Variants in CMTM3 observed in about 807,000 individuals in gnomAD.
The protein encoded by CMTM3 is CKLF like MARVEL transmembrane domain containing 3.
CMTM3 carries 7 observed loss-of-function variants against 18.2 expected under a neutral mutation model. The ratio of observed to expected loss-of-function variants is 0.38; its 90% CI spans 0.22 to 0.72. The LOEUF (loss-of-function observed/expected upper bound fraction) is 0.72. Ranked by LOEUF, CMTM3 falls within the 30% of genes least tolerant of loss-of-function variation. CMTM3 has a pLI of 0.46. For missense variants in CMTM3, 227 were observed against 249.2 expected (o/e 0.91, Z 0.60); for synonymous variants, 109 against 111.2 (o/e 0.98, Z 0.12).
Position 66,610,527 on chromosome 16 carries a change from C to T in CMTM3, c.520+524C>T, listed in dbSNP as rs1418634129. ...GAGGGAGGGATACAGTAGCTGAAAG[C>T]AGGCCCACGCTGGGTGTCAGCTGGC... On this transcript the variant is annotated intron_variant, in intron 4 of 4. Transcript: ENST00000567572. This position sits in a 1 kb window ranked among gnomAD's most constrained non-coding sequence, Gnocchi z 4.6. Among the ~76,000 whole-genome samples the T allele has an allele frequency of 1.3e-5, 2 of 152,304 alleles. No homozygotes were observed. Among genetic ancestry groups the T allele is most frequent in the East Asian group, 3.9e-4 (2 of 5,188 alleles).
rs982262648 is a variant in CMTM3, at chr16:66,612,099, GCACCCA to G, written c.521-504_521-499del. Among the ~76,000 whole-genome samples the G allele has an allele frequency of 4.6e-5, 7 of 152,094 alleles. No homozygotes were observed. The stretch of plus-strand genomic sequence containing the variant: ...GGTGGAAACACCCCCACCTGCACCC[GCACCCA>G]CACCCTGGAGGTGCAAGTGGCTTCT... On this transcript the variant is annotated intron_variant, in intron 4 of 4. Transcript: ENST00000567572. The surrounding 1 kb of genome is among the most constrained non-coding windows in gnomAD (Gnocchi z 6.0).
intron 1 of CMTM3, among the ~76,000 whole-genome samples, chr16:66,607,687 C>T (rs1267112892): frequency 2.0e-5 from 3 of 152,192 alleles, no homozygotes; most frequent in Non-Finnish European, 2.9e-5. Flanking sequence ...TGATTTCCCT[C>T]CGCAGGGCAC....
Position 66,613,273 on chromosome 16 carries a change from T to C in CMTM3, c.*636T>C, listed in dbSNP as rs1315932316. The C allele has an allele frequency of 4.8e-6, 3 of 631,012 alleles. No individual in the cohort carries two copies. Among genetic ancestry groups the C allele is most frequent in the Non-Finnish European group, 8.5e-6 (3 of 351,264 alleles). The allele number at this position is 631,012 out of a possible 1,614,324, so 39.1% of individuals were successfully genotyped here. Reference sequence around the variant, plus strand: ...CCTTGGAAACCATGTCTTCTGGGGGTGAGATGACCATTCTGGGTCTAAGAC... The same window carrying C: ...CCTTGGAAACCATGTCTTCTGGGGGCGAGATGACCATTCTGGGTCTAAGAC... On this transcript the variant is annotated 3_prime_UTR_variant, in exon 5 of 5. Coordinates refer to ENST00000567572, the MANE Select transcript of CMTM3 (RefSeq NM_181553.4).
rs1475073500 is a variant in CMTM3, at chr16:66,604,758, G to A, written c.-48G>A. On this transcript the variant is annotated 5_prime_UTR_variant, in exon 1 of 5. Coordinates refer to ENST00000567572, the MANE Select transcript of CMTM3 (RefSeq NM_181553.4). ...CGGGTTTCCGCTTCCCTCCGGGCGC[G>A]AGAAGAGGGGAGCCAGGCCGAGCCC... 2.5e-6 allele frequency: 3 copies of A among 1,213,586 alleles called. No individual in the cohort carries two copies. The highest frequency in any genetic ancestry group is 2.0e-6 in the Non-Finnish European group (2 of 975,834). The allele number at this position is 1,213,586 out of a possible 1,614,324, so 75.2% of individuals were successfully genotyped here.
Position 66,612,689 on chromosome 16 carries a change from GCCTCA to G in CMTM3, c.*54_*58del. ...GAGCCACACAGGCCTCCACCCCTGC[GCCTCA>G]CAGGGGTCGCTGGCGTTGGAGCGGA... On this transcript the variant is annotated 3_prime_UTR_variant, in exon 5 of 5. Coordinates refer to ENST00000567572, the MANE Select transcript of CMTM3 (RefSeq NM_181553.4). This position sits in a 1 kb window ranked among gnomAD's most constrained non-coding sequence, Gnocchi z 6.0. 6.3e-7 allele frequency: 1 copy of G among 1,581,352 alleles called. No homozygotes were observed. Among genetic ancestry groups the G allele is most frequent in the Non-Finnish European group, 8.7e-7 (1 of 1,152,244 alleles).
At chr16:66,604,406 TCCCAGACA>T (rs1360798410), upstream of CMTM3, 1 of 162,556 alleles carries the variant, frequency 6.2e-6, no homozygotes, top group Admixed American at 6.5e-5. Flanking sequence ...GGTTCCCGGA[TCCCAGACA>T]CGCGCACGGG....
upstream of CMTM3, chr16:66,604,645 G>C (rs908883066): frequency 7.9e-6 from 4 of 505,098 alleles, no homozygotes; most frequent in Non-Finnish European, 1.2e-5. Flanking sequence ...GGGCGGGCTG[G>C]AGGAGCGGGT....
In CMTM3 at chr16:66,612,559, C is replaced by T. The variant is rs200414647; in HGVS notation, c.521-50C>T. 3 of 1,601,614 alleles carry T rather than the reference C, an allele frequency of 1.9e-6. No individual in the cohort carries two copies. The highest frequency in any genetic ancestry group is 4.5e-5 in the East Asian group (2 of 44,768). ...TGCTTCCCCAGAGACCGTTCCCAGGCACCGCTGCCCTGAGCCTCCTGCCAA... is the reference window on the plus strand; with the variant it reads ...TGCTTCCCCAGAGACCGTTCCCAGGTACCGCTGCCCTGAGCCTCCTGCCAA... On this transcript the variant is annotated intron_variant, in intron 4 of 4. Coordinates refer to ENST00000567572, the MANE Select transcript of CMTM3 (RefSeq NM_181553.4). This position sits in a 1 kb window ranked among gnomAD's most constrained non-coding sequence, Gnocchi z 6.0.
chr16:66,612,881 T>C lies in CMTM3; in HGVS notation c.*244T>C, dbSNP rs1770592425. On this transcript the variant is annotated 3_prime_UTR_variant, in exon 5 of 5. Transcript: ENST00000567572. The surrounding 1 kb of genome is among the most constrained non-coding windows in gnomAD (Gnocchi z 6.0). ...GGGTATCCCACTCCTTCTCCCCATT[T>C]CTGTCCCACAGGCCTTCAGCCCTTT... The C allele has an allele frequency of 4.9e-6, 3 of 612,840 alleles. No individual in the cohort carries two copies. Among genetic ancestry groups the C allele is most frequent in the Non-Finnish European group, 8.8e-6 (3 of 342,366 alleles). 38.0% of individuals were successfully genotyped at this position (612,840 alleles called of 1,614,324 possible). A position where few individuals can be genotyped will look rare whatever the true frequency, so the allele number is the denominator to read the frequency against.
rs1447911385 is a variant in CMTM3 at position 66,612,589 on chromosome 16, C to T, written c.521-20C>T. 3 of 1,613,654 alleles carry T rather than the reference C, an allele frequency of 1.9e-6. No individual in the cohort carries two copies. The highest frequency in any genetic ancestry group is 2.5e-6 in the Non-Finnish European group (3 of 1,179,852). On this transcript the variant is annotated intron_variant, in intron 4 of 4. Transcript: ENST00000567572. The surrounding 1 kb of genome is among the most constrained non-coding windows in gnomAD (Gnocchi z 6.0). ...CTGCCCTGAGCCTCCTGCCAAGCAT[C>T]CTCTCTGCTTTCCTTTCAGAAGAGA...
In CMTM3 at chr16:66,605,065, T is replaced by G; in HGVS notation, c.147+113T>G. The G allele has an allele frequency of 1.0e-6, 1 of 969,284 alleles. No individual in the cohort carries two copies. 60.0% of individuals were successfully genotyped at this position (969,284 alleles called of 1,614,324 possible). A position where few individuals can be genotyped will look rare whatever the true frequency, so the allele number is the denominator to read the frequency against. On this transcript the variant is annotated intron_variant, in intron 1 of 4. Coordinates refer to ENST00000567572, the MANE Select transcript of CMTM3 (RefSeq NM_181553.4). The surrounding 1 kb of genome is among the most constrained non-coding windows in gnomAD (Gnocchi z 4.6). ...GCGGCCGCCGTGCTCCGATACCCCC[T>G]CTCCGCGCCGCCTCGGCCGACTTCT...
Position 66,605,251 on chromosome 16 carries a change from C to A in CMTM3, c.147+299C>A, listed in dbSNP as rs1255245748. 13 of 264,204 alleles carry A rather than the reference C, an allele frequency of 4.9e-5. No homozygotes were observed. The highest frequency in any genetic ancestry group is 2.9e-5 in the Non-Finnish European group (4 of 140,124). 16.4% of individuals were successfully genotyped at this position (264,204 alleles called of 1,614,324 possible). A position where few individuals can be genotyped will look rare whatever the true frequency, so the allele number is the denominator to read the frequency against. On this transcript the variant is annotated intron_variant, in intron 1 of 4. Transcript: ENST00000567572. The surrounding 1 kb of genome is among the most constrained non-coding windows in gnomAD (Gnocchi z 4.6). ...TGTGGGTCCTGCTGTGTGAGCCAGG[C>A]GCCCCCGCCCTCTCTGGGCCCCGGG...
intron 1 of CMTM3, among the ~76,000 whole-genome samples, chr16:66,607,511 C>T (rs1276960072): frequency 1.3e-5 from 2 of 152,198 alleles, no homozygotes; most frequent in Non-Finnish European, 1.5e-5. Context: ...TATCTTTTAA[C>T]ACAAAATAAA....
Position 66,612,956 on chromosome 16 carries a change from G to A in CMTM3, c.*319G>A. ...AAGGAGACAAAGCAGAGCCTTGTCT[G>A]TATCTGGGCAGCAGGTGTTCCATGC... On this transcript the variant is annotated 3_prime_UTR_variant, in exon 5 of 5. Transcript: ENST00000567572. This position sits in a 1 kb window ranked among gnomAD's most constrained non-coding sequence, Gnocchi z 6.0. 1 of 674,886 alleles carries A rather than the reference G, an allele frequency of 1.5e-6. No homozygotes were observed. The highest frequency in any genetic ancestry group is 2.7e-5 in the East Asian group (1 of 36,912). The allele number at this position is 674,886 out of a possible 1,614,324, so 41.8% of individuals were successfully genotyped here.
In CMTM3 at chr16:66,605,912, G is replaced by T. The variant is rs1422592518; in HGVS notation, c.147+960G>T. Among the ~76,000 whole-genome samples, 7 of 152,042 alleles carry T rather than the reference G, an allele frequency of 4.6e-5. No individual in the cohort carries two copies. On this transcript the variant is annotated intron_variant, in intron 1 of 4. Coordinates refer to ENST00000567572, the MANE Select transcript of CMTM3 (RefSeq NM_181553.4). The surrounding 1 kb of genome is among the most constrained non-coding windows in gnomAD (Gnocchi z 4.6). Reference sequence around the variant, plus strand: ...CAGAGGCCACCTGCCCAACGCCCAAGTGAGACACCAATGCCACACTCCGAG... The same window carrying T: ...CAGAGGCCACCTGCCCAACGCCCAATTGAGACACCAATGCCACACTCCGAG...
In CMTM3 at chr16:66,610,056, C is replaced by A; in HGVS notation, c.520+53C>A. On this transcript the variant is annotated intron_variant, in intron 4 of 4. Coordinates refer to ENST00000567572, the MANE Select transcript of CMTM3 (RefSeq NM_181553.4). This position sits in a 1 kb window ranked among gnomAD's most constrained non-coding sequence, Gnocchi z 4.6. ...AGTGCTGCAACAGGGGCCTGCCCTC[C>A]CTCGGGGATGCCAGCTAGTTTGAGG... 2 of 1,600,428 alleles carry A rather than the reference C, an allele frequency of 1.2e-6. No individual in the cohort carries two copies. Among genetic ancestry groups the A allele is most frequent in the East Asian group, 2.2e-5 (1 of 44,706 alleles).
In CMTM3 at chr16:66,609,747, C is replaced by G; in HGVS notation, c.400-136C>G. ...AGTTCACAGCTCATTTTCCCACTTC[C>G]GTTACTCACAGGGGTCTGTGCCTGA... On this transcript the variant is annotated intron_variant, in intron 3 of 4. Transcript: ENST00000567572. This position sits in a 1 kb window ranked among gnomAD's most constrained non-coding sequence, Gnocchi z 4.4. The G allele has an allele frequency of 6.3e-7, 1 of 1,580,930 alleles. No homozygotes were observed. Among genetic ancestry groups the G allele is most frequent in the South Asian group, 1.1e-5 (1 of 88,424 alleles).
chr16:66,613,353 G>A lies in CMTM3; in HGVS notation c.*716G>A. ...GGTCCAGAAGACAGAGGGTACAACA[G>A]TGGCATCACAGTGACAGTGTCATGG... On this transcript the variant is annotated 3_prime_UTR_variant, in exon 5 of 5. Transcript: ENST00000567572. 1.9e-6 allele frequency: 1 copy of A among 522,604 alleles called. No individual in the cohort carries two copies. Among genetic ancestry groups the A allele is most frequent in the Non-Finnish European group, 3.4e-6 (1 of 291,018 alleles). The allele number at this position is 522,604 out of a possible 1,614,324, so 32.4% of individuals were successfully genotyped here.
Position 66,612,621 on chromosome 16 carries a change from A to G in CMTM3, c.533A>G (p.Asp178Gly). The G allele has an allele frequency of 6.2e-7, 1 of 1,613,920 alleles. No homozygotes were observed. Among genetic ancestry groups the G allele is most frequent in the Non-Finnish European group, 8.5e-7 (1 of 1,179,938 alleles). Reference sequence around the variant, plus strand: ...GCTTTCCTTTCAGAAGAGAATTCCGACTCGGACTCTGACTGAAGGCCTGGC... The same window carrying G: ...GCTTTCCTTTCAGAAGAGAATTCCGGCTCGGACTCTGACTGAAGGCCTGGC... ...TAHKTEEENSDSDSD is the reference protein window; with the variant it reads ...TAHKTEEENSGSDSD Residue 178 changes from aspartate (D) to glycine (G), a missense_variant, in exon 5 of 5, where the codon GAC (aspartate) becomes GGC (glycine). Transcript: ENST00000567572. The surrounding 1 kb of genome is among the most constrained non-coding windows in gnomAD (Gnocchi z 6.0).
Sources: gnomAD v4.1 joint callset for allele counts (sites outside exome capture counted in the v4.1 genomes callset) on GRCh38, gnomAD v4.1.1 for gene constraint, Gnocchi (gnomAD v3.1) non-coding constraint, MANE v1.5 for transcripts, NCBI Gene and HGNC (gene_info 2026-07-23, HGNC 2026-07-21) for gene names.